OCLN: variants seen among roughly 807,000 people sequenced by gnomAD.
OCLN encodes the protein phosphatase 1, regulatory subunit 115.
Under a neutral mutation model 47.9 loss-of-function variants are expected in OCLN, and 21 were observed. That is an observed-to-expected ratio of 0.44 (90% CI 0.31 to 0.63). The LOEUF is 0.63. Among genes scored for constraint, OCLN ranks in the 30% least tolerant of loss-of-function variants. OCLN has a pLI of 0.08. For synonymous variants in OCLN, 117 were observed against 198.4 expected, an observed-to-expected ratio of 0.59 and a Z score of 3.45; for missense variants, 360 against 571.0, an observed-to-expected ratio of 0.63 and a Z score of 3.77.
In OCLN at chr5:69,519,778, G is replaced by A. The variant is rs2112016383; in HGVS notation, c.891+5669G>A. 1.3e-5 allele frequency among the ~76,000 whole-genome samples: 2 copies of A among 152,182 alleles called. 1 individual carries two copies. The highest frequency in any genetic ancestry group is 4.8e-5 in the African/African-American group (2 of 41,520). On this transcript the variant is annotated intron_variant, in intron 4 of 8. Transcript: ENST00000396442. ...GACCCCCATGTATACCCAAATCCATGCATATTCAAGTCCTGTAGTCGGTGG... is the reference window on the plus strand; with the variant it reads ...GACCCCCATGTATACCCAAATCCATACATATTCAAGTCCTGTAGTCGGTGG...
chr5:69,516,509 G>A lies in OCLN; in HGVS notation c.891+2400G>A, dbSNP rs138767661. 5.6e-3 allele frequency among the ~76,000 whole-genome samples: 843 copies of A among 151,642 alleles called. 5 individuals carry two copies. Among genetic ancestry groups the A allele is most frequent in the African/African-American group, 0.019 (785 of 41,106 alleles). On this transcript the variant is annotated intron_variant, in intron 4 of 8. Transcript: ENST00000396442. Reference sequence around the variant, plus strand: ...GTGGAAAGAGAGGGAGAGGGAGACCGTGGGGAGAGGGAGAGGGGGGAGAGG... The same window carrying A: ...GTGGAAAGAGAGGGAGAGGGAGACCATGGGGAGAGGGAGAGGGGGGAGAGG...
At chr5:69,529,470 CT>C (rs995576486) in intron 4 of OCLN, among the ~76,000 whole-genome samples, 1 of 152,140 alleles carries the variant, frequency 6.6e-6, no homozygotes, top group Non-Finnish European at 1.5e-5. Flanking sequence ...GAAATAAATT[CT>C]TTCTTGATTG....
chr5:69,529,459 G>A (rs865796946), intron 4 of OCLN, among the ~76,000 whole-genome samples: 2 of 151,808 alleles, frequency 1.3e-5, no homozygotes, highest in Admixed American at 6.6e-5. Flanking sequence ...TTGCTATTTC[G>A]GAAATAAATT....
intron 3 of OCLN, among the ~76,000 whole-genome samples, chr5:69,510,564 T>TC (rs1055281651): frequency 5.3e-5 from 8 of 152,034 alleles, no homozygotes; most frequent in Non-Finnish European, 7.4e-5. Flanking sequence ...GCACCTGTAG[T>TC]CCCAGCTACT....
At position 69,553,663 on chromosome 5, in the gene OCLN, A is replaced by G; in HGVS notation, c.1561A>G (p.Lys521Glu). ...GATGGTTGGAGACTATGATAGACAGAAAACATAGAAGGCTGATGCCAAGTT... is the reference window on the plus strand; with the variant it reads ...GATGGTTGGAGACTATGATAGACAGGAAACATAGAAGGCTGATGCCAAGTT... The part of the protein sequence containing the change: ...KKMVGDYDRQ[K>E]T Residue 521 changes from lysine (K) to glutamate (E), a missense_variant, in exon 9 of 9, where the codon AAA becomes GAA. Around this residue, in one of 3 missense-constraint regions of OCLN, gnomAD observed 25 missense variants for 43.9 expected, o/e 0.57. Coordinates refer to ENST00000396442, the MANE Select transcript of OCLN (RefSeq NM_001205254.2). 1 of 1,613,834 alleles carries G rather than the reference A, an allele frequency of 6.2e-7. No homozygotes were observed.
chr5:69,549,883 C>G (rs1473041127), intron 7 of OCLN, among the ~76,000 whole-genome samples: 3 of 150,674 alleles, frequency 2.0e-5, no homozygotes, highest in Non-Finnish European at 4.4e-5. Flanking sequence ...TCCCGTGTCC[C>G]TTTGACATAC....
intron 1 of OCLN, among the ~76,000 whole-genome samples, chr5:69,500,950 G>A (rs1454921102): frequency 7.4e-5 from 11 of 149,540 alleles, no homozygotes. Context: ...AAGGAGTCTT[G>A]CTCTGTCACC....
chr5:69,509,988 C>T (rs1768734155), intron 3 of OCLN, among the ~76,000 whole-genome samples, 169 bp downstream of exon 3: 1 of 152,194 alleles, frequency 6.6e-6, no homozygotes, highest in South Asian at 2.1e-4. Flanking sequence ...ATTAACATAC[C>T]ATGTAATTTG....
rs1768210366 is a variant in OCLN at position 69,493,722 on chromosome 5, G to T, written c.-69+822G>T. On this transcript the variant is annotated intron_variant, in intron 1 of 8. Coordinates refer to ENST00000396442, the MANE Select transcript of OCLN (RefSeq NM_001205254.2). The surrounding 1 kb of genome is among the most constrained non-coding windows in gnomAD (Gnocchi z 5.3). ...TCGGTGCGCACGGAAGCCGGGACCC[G>T]CGCCCAGCCGGGCCACGGAGTTTGG... Among the ~76,000 whole-genome samples, 2 of 152,178 alleles carry T rather than the reference G, an allele frequency of 1.3e-5. No homozygotes were observed. The highest frequency in any genetic ancestry group is 2.9e-5 in the Non-Finnish European group (2 of 68,018).
At chr5:69,525,414 C>T (rs1054740610) in intron 4 of OCLN, among the ~76,000 whole-genome samples, 2 of 152,110 alleles carry the variant, frequency 1.3e-5, no homozygotes, top group East Asian at 1.9e-4. Context: ...TGTGAGTGTA[C>T]ATTTCTATAA....
At chr5:69,517,778 C>G (rs1769018238) in intron 4 of OCLN, among the ~76,000 whole-genome samples, 1 of 152,014 alleles carries the variant, frequency 6.6e-6, no homozygotes, top group Non-Finnish European at 1.5e-5. Context: ...CTGCCCTTGA[C>G]TTGAAGCCCT....
intron 4 of OCLN, among the ~76,000 whole-genome samples, chr5:69,517,404 G>A (rs558293940): frequency 6.7e-4 from 101 of 151,388 alleles, no homozygotes; most frequent in African/African-American, 2.4e-3. Flanking sequence ...TCCGCCTCCC[G>A]GGTTCAAGAG....
At chr5:69,533,315 T>G (rs1388365812) in intron 4 of OCLN, among the ~76,000 whole-genome samples, 1 of 152,128 alleles carries the variant, frequency 6.6e-6, no homozygotes, top group African/African-American at 2.4e-5. Context: ...TGGGACATGC[T>G]TCCAAGCTGC....
Position 69,504,252 on chromosome 5 carries a change from C to A in OCLN, c.8C>A (p.Ser3Tyr). The change falls in exon 2 of 9, where the codon TCC becomes TAC. Residue 3 changes from serine (S) to tyrosine (Y), a missense_variant. Around this residue, in one of 3 missense-constraint regions of OCLN, gnomAD observed 314 missense variants for 368.1 expected, o/e 0.85. Coordinates refer to ENST00000396442, the MANE Select transcript of OCLN (RefSeq NM_001205254.2). MS[S>Y]RPLESPPPYR... ...GACCATTGACAATCAGCCATGTCATCCAGGCCTCTTGAAAGTCCACCTCCT... is the reference window on the plus strand; with the variant it reads ...GACCATTGACAATCAGCCATGTCATACAGGCCTCTTGAAAGTCCACCTCCT... 1 of 1,608,816 alleles carries A rather than the reference C, an allele frequency of 6.2e-7. No individual in the cohort carries two copies. The highest frequency in any genetic ancestry group is 8.5e-7 in the Non-Finnish European group (1 of 1,175,160).
chr5:69,496,561 C>CT (rs77543950), intron 1 of OCLN, among the ~76,000 whole-genome samples: 1,510 of 122,750 alleles, frequency 0.012, 30 homozygotes, highest in African/African-American at 0.028. Context: ...TTTTTTTATA[C>CT]TTTTTTTTTT....
intron 4 of OCLN, among the ~76,000 whole-genome samples, chr5:69,533,142 TAC>T (rs1561349923): frequency 6.6e-6 from 1 of 151,386 alleles, no homozygotes; most frequent in East Asian, 1.9e-4. Flanking sequence ...CACATATATA[TAC>T]ATACAGTGTT....
At position 69,504,298 on chromosome 5, in the gene OCLN, A is replaced by G; in HGVS notation, c.50+4A>G. The G allele has an allele frequency of 3.9e-6, 6 of 1,553,856 alleles. No homozygotes were observed. The highest frequency in any genetic ancestry group is 5.3e-6 in the Non-Finnish European group (6 of 1,125,720). On this transcript the variant is annotated splice_donor_region_variant and intron_variant, in intron 2 of 8. Coordinates refer to ENST00000396442, the MANE Select transcript of OCLN (RefSeq NM_001205254.2). ...CTCCTTACAGGCCTGATGAATTGTA[A>G]GTAAATAATTCTTTAGTTATTCTCT...
In OCLN at chr5:69,509,546, G is replaced by T. The variant is rs750117339; in HGVS notation, c.456G>T (p.Ala152=). 3 of 1,614,176 alleles carry T rather than the reference G, an allele frequency of 1.9e-6. No homozygotes were observed. In the South Asian group the frequency reaches 3.3e-5, roughly 18 times the overall value. Residue 152 remains alanine (A), a synonymous_variant, in exon 3 of 9, where the codon GCG becomes GCT. Transcript: ENST00000396442. ...LAMAAFCFIA[A]LVIFVTSVIR... is the part of the protein sequence containing the mutation. Reference sequence around the variant, plus strand: ...TGGCTGCCTTTTGTTTCATTGCCGCGTTGGTGATCTTTGTTACCAGTGTTA... The same window carrying T: ...TGGCTGCCTTTTGTTTCATTGCCGCTTTGGTGATCTTTGTTACCAGTGTTA...
chr5:69,532,659 G>C (rs1769463469), intron 4 of OCLN, among the ~76,000 whole-genome samples: 1 of 151,978 alleles, frequency 6.6e-6, no homozygotes, highest in African/African-American at 2.4e-5. Flanking sequence ...TGTTGGAGCT[G>C]TTACATAAAA....
Sources: allele counts gnomAD v4.1 joint callset (sites outside exome capture counted in the v4.1 genomes callset), GRCh38; gene constraint gnomAD v4.1.1; regional missense constraint gnomAD v4.1.1; non-coding constraint Gnocchi (gnomAD v3.1); transcripts MANE v1.5; gene names NCBI Gene and HGNC (gene_info 2026-07-23, HGNC 2026-07-21).